APC: variants seen among roughly 807,000 people sequenced by gnomAD.
The protein encoded by APC is adenomatous polyposis coli protein.
Under a neutral mutation model 247.0 loss-of-function variants are expected in APC, and 72 were observed. The ratio of observed to expected loss-of-function variants is 0.29; its 90% CI spans 0.24 to 0.35. The LOEUF is 0.35. Among genes scored for constraint, APC ranks in the 10% least tolerant of loss-of-function variants. APC has a pLI of 1.00. For missense variants in APC, 3,400 were observed against 3,360.7 expected (o/e 1.01, Z -0.29); for synonymous variants, 1,254 against 1,162.5 (o/e 1.08, Z -1.60).
intron 1 of APC, among the ~76,000 whole-genome samples, chr5:112,725,236 G>A (rs1751707232): frequency 6.6e-6 from 1 of 152,118 alleles, no homozygotes; most frequent in African/African-American, 2.4e-5. Flanking sequence ...GTCCCCAAAA[G>A]TGCTAGGATT....
chr5:112,821,836 T>C (rs1763157375), intron 10 of APC, 60 bp from the exon 11 acceptor site: 5 of 1,357,864 alleles, frequency 3.7e-6, no homozygotes, highest in African/African-American at 1.4e-5. Flanking sequence ...TAAAGTACAA[T>C]AAACATCATT....
At chr5:112,709,719 T>C (rs1750739481) in intron 1 of APC, among the ~76,000 whole-genome samples, 1 of 151,964 alleles carries the variant, frequency 6.6e-6, no homozygotes, top group Non-Finnish European at 1.5e-5. Flanking sequence ...CTAGGCAACA[T>C]GGCAAAGCCT....
chr5:112,797,839 A>G (rs1760374656), intron 7 of APC, among the ~76,000 whole-genome samples: 1 of 152,236 alleles, frequency 6.6e-6, no homozygotes. Flanking sequence ...ACATGAAAAT[A>G]TGCTCAATCA....
chr5:112,833,711 A>G (rs1764560062), intron 14 of APC, among the ~76,000 whole-genome samples: 1 of 152,198 alleles, frequency 6.6e-6, no homozygotes, highest in South Asian at 2.1e-4. Context: ...TGATAATTGT[A>G]TGTTAGGGAG....
chr5:112,767,360 C>T lies in APC; in HGVS notation c.392C>T (p.Thr131Ile), dbSNP rs1387998721. 1 of 1,613,922 alleles carries T rather than the reference C, an allele frequency of 6.2e-7. No individual in the cohort carries two copies. The highest frequency in any genetic ancestry group is 1.3e-5 in the African/African-American group (1 of 74,910). ...TTTGTAAATGGAAGCAGAGAAAGTA[C>T]TGGATATTTAGAAGAACTTGAGAAA... Reference protein sequence around the residue: ...RGFVNGSRESTGYLEELEKER... With the variant: ...RGFVNGSRESIGYLEELEKER... The change falls in exon 4 of 16, where the codon ACT becomes ATT. Residue 131 changes from threonine to isoleucine, a missense_variant. This residue lies in a region of APC where 372 missense variants were observed against 367.6 expected (regional missense o/e 1.01). Transcript: ENST00000257430.
In APC at chr5:112,827,357, A is replaced by G. The variant is rs558448239; in HGVS notation, c.1548+110A>G. The G allele has an allele frequency of 3.9e-4, 481 of 1,221,092 alleles. 3 individuals are homozygous for G. In the African/African-American group the frequency reaches 5.1e-3, roughly 13 times the overall value. 75.6% of individuals were successfully genotyped at this position (1,221,092 alleles called of 1,614,324 possible). The stretch of plus-strand genomic sequence containing the variant: ...TTTTTTTCACTCTCCTCATTAAACA[A>G]TGACTGATAAAAACCTGTGCTTCAC... On this transcript the variant is annotated intron_variant, in intron 12 of 15. Coordinates refer to ENST00000257430, the MANE Select transcript of APC (RefSeq NM_000038.6).
intron 6 of APC, chr5:112,783,624 C>G (rs1283646605): frequency 6.0e-6 from 1 of 166,202 alleles, no homozygotes; most frequent in Admixed American, 6.5e-5. Flanking sequence ...AAGACCCTGC[C>G]TCTACCAAAA....
intron 15 of APC, among the ~76,000 whole-genome samples, chr5:112,835,725 AC>A (rs1224516419): frequency 2.0e-5 from 3 of 151,828 alleles, no homozygotes; most frequent in African/African-American, 7.3e-5. Context: ...GATGCACGCC[AC>A]AACACCCGGC....
chr5:112,725,171 C>T (rs1054750473), intron 1 of APC, among the ~76,000 whole-genome samples: 1 of 152,020 alleles, frequency 6.6e-6, no homozygotes, highest in African/African-American at 2.4e-5. Context: ...CAGAGTTTCA[C>T]TATGTTGGCC....
intron 6 of APC, among the ~76,000 whole-genome samples, chr5:112,786,230 T>C (rs1158541768): frequency 8.5e-5 from 13 of 152,072 alleles, no homozygotes; most frequent in South Asian, 2.1e-4. Context: ...GTTGGGACTT[T>C]AGGCGTGTAC....
At chr5:112,756,898 T>C (rs1755044908) in intron 2 of APC, among the ~76,000 whole-genome samples, 1 of 152,234 alleles carries the variant, frequency 6.6e-6, no homozygotes, top group South Asian at 2.1e-4. Flanking sequence ...TTTAAATACT[T>C]GTATTATACT....
intron 2 of APC, among the ~76,000 whole-genome samples, chr5:112,761,404 GAT>G (rs925786438): frequency 2.0e-5 from 3 of 151,992 alleles, no homozygotes; most frequent in Non-Finnish European, 4.4e-5. Flanking sequence ...AAAATGAACA[GAT>G]AGAAAATTTT....
intron 11 of APC, among the ~76,000 whole-genome samples, chr5:112,825,465 G>A (rs1262091746): frequency 6.6e-6 from 1 of 152,114 alleles, no homozygotes; most frequent in African/African-American, 2.4e-5. Flanking sequence ...CCCTCTCCTT[G>A]CTGTTAAATA....
In APC at chr5:112,756,649, T is replaced by C. The variant is rs188255076; in HGVS notation, c.135+1624T>C. Among the ~76,000 whole-genome samples the C allele has an allele frequency of 2.2e-3, 340 of 151,942 alleles. 2 individuals carry two copies. Among genetic ancestry groups the C allele is most frequent in the African/African-American group, 7.9e-3 (328 of 41,420 alleles). On this transcript the variant is annotated intron_variant, in intron 2 of 15. Coordinates refer to ENST00000257430, the MANE Select transcript of APC (RefSeq NM_000038.6). ...ACTCTGAGATCTCTTTTTTAAAGTT[T>C]GTTTAATTCCTTAAGCAATTCAAAA...
At chr5:112,729,949 A>C (rs1002490735) in intron 1 of APC, among the ~76,000 whole-genome samples, 1 of 152,196 alleles carries the variant, frequency 6.6e-6, no homozygotes, top group African/African-American at 2.4e-5. Context: ...TTTTGCCTTT[A>C]CTAATATGCC....
intron 5 of APC, chr5:112,778,287 C>T (rs1404040289): frequency 1.3e-5 from 2 of 152,516 alleles, no homozygotes; most frequent in African/African-American, 4.8e-5. Flanking sequence ...CTAATCCTGT[C>T]AGCCTCTCCC....
At chr5:112,760,160 T>G (rs1204575689) in intron 2 of APC, among the ~76,000 whole-genome samples, 1 of 152,098 alleles carries the variant, frequency 6.6e-6, no homozygotes, top group Non-Finnish European at 1.5e-5. Context: ...GCAGGAGGAC[T>G]TCACTGGGAG....
rs1020491376 is a variant in APC, at chr5:112,707,541, T to G, written c.-177T>G. On this transcript the variant is annotated 5_prime_UTR_variant, in exon 1 of 14. Coordinates refer to the APC transcript ENST00000507379. ...CTCCCACAAGATGGCGGAGGGCAAG[T>G]AGCAAGGGGGCGGGGTGTGGCCGCC... 1.9e-6 allele frequency: 1 copy of G among 523,684 alleles called. No homozygotes were observed. The highest frequency in any genetic ancestry group is 1.9e-5 in the African/African-American group (1 of 52,264). The allele number at this position is 523,684 out of a possible 1,614,324, so 32.4% of individuals were successfully genotyped here. A position where few individuals can be genotyped will look rare whatever the true frequency, so the allele number is the denominator to read the frequency against.
At chr5:112,798,153 A>G (rs926863552) in intron 7 of APC, among the ~76,000 whole-genome samples, 1 of 152,252 alleles carries the variant, frequency 6.6e-6, no homozygotes, top group Non-Finnish European at 1.5e-5. Flanking sequence ...TTTTTTCATA[A>G]TAGCCTCAAA....
Sources: gnomAD v4.1 joint callset for allele counts (sites outside exome capture counted in the v4.1 genomes callset) on GRCh38, gnomAD v4.1.1 for gene constraint, gnomAD v4.1.1 regional missense constraint, MANE v1.5 for transcripts, NCBI Gene and HGNC (gene_info 2026-07-23, HGNC 2026-07-21) for gene names.